EMILIN3: variants seen among roughly 807,000 people sequenced by gnomAD.
EMILIN3 encodes the protein elastin microfibril interfacer 3, also known as EMILIN-3.
EMILIN3 carries 38 observed loss-of-function variants against 42.8 expected under a neutral mutation model. That is an observed-to-expected ratio of 0.89 (90% CI 0.69 to 1.16). EMILIN3 has a LOEUF of 1.16. Ranked by LOEUF, EMILIN3 falls within the 50% of genes most tolerant of loss-of-function variation. The pLI is 0.00. For synonymous variants in EMILIN3, 430 were observed against 440.5 expected (o/e 0.98, Z 0.30); for missense variants, 924 against 999.5 (o/e 0.92, Z 1.02).
In EMILIN3 at chr20:41,365,057, GC is replaced by G. The variant is rs1207206292; in HGVS notation, c.267del (p.Lys91SerfsTer23). 100 of 1,613,432 alleles carry G rather than the reference GC, an allele frequency of 6.2e-5. No homozygotes were observed. Among genetic ancestry groups the G allele is most frequent in the Non-Finnish European group, 8.2e-5 (97 of 1,179,824 alleles). ...TACGTGACTGTCCCGGGGCACTTGGGCCCCCATCTACACTGCCGGTATTCAG... is the reference window on the plus strand; with the variant it reads ...TACGTGACTGTCCCGGGGCACTTGGGCCCCATCTACACTGCCGGTATTCAG... The part of the protein sequence containing the change: ...VKAEYRQCRW[G>X]PKCPGTVTYR... On this transcript the variant is annotated frameshift_variant, in exon 2 of 4. Transcript: ENST00000332312. LOFTEE classifies it high-confidence loss of function.
At chr20:41,364,905 G>C (rs2046385825) in intron 2 of EMILIN3, 130 bp downstream of exon 2, 1 of 1,403,574 alleles carries the variant, frequency 7.1e-7, no homozygotes, top group East Asian at 2.3e-5. Flanking sequence ...ACTCTGGCCT[G>C]TATGGGGGCT....
rs1414848474 is a variant in EMILIN3, at chr20:41,360,364, C to T, written c.*904G>A. ...ACTTTGTAGAGAAATGCCCTGACCT[C>T]GCAGGAAGGATTTCCCCACCCCCAA... On this transcript the variant is annotated 3_prime_UTR_variant, in exon 4 of 4. Transcript: ENST00000332312. The T allele has an allele frequency of 6.6e-6, 1 of 152,200 alleles. No homozygotes were observed. The highest frequency in any genetic ancestry group is 2.4e-5 in the African/African-American group (1 of 41,392). 9.4% of individuals were successfully genotyped at this position (152,200 alleles called of 1,614,324 possible).
rs372265523 is a variant in EMILIN3 at position 41,362,144 on chromosome 20, C to G, written c.1425G>C (p.Gln475His). The change falls in exon 4 of 4, where the codon CAG (glutamine) becomes CAC (histidine). Residue 475 changes from glutamine to histidine, a missense_variant. Coordinates refer to ENST00000332312, the MANE Select transcript of EMILIN3 (RefSeq NM_052846.2). ...GFGTMLEERV[Q>H]SLEERLATLA... ...ATGTTGCTAGGCGCTCCTCGAGGCT[C>G]TGCACGCGCTCTTCCAGCATGGTCC... The G allele has an allele frequency of 1.2e-5, 19 of 1,610,224 alleles. No homozygotes were observed. The South Asian group carries it at 1.3e-4, about 11-fold the overall frequency.
Position 41,362,134 on chromosome 20 carries a change from C to T in EMILIN3, c.1435G>A (p.Glu479Lys). 6.2e-7 allele frequency: 1 copy of T among 1,607,608 alleles called. No homozygotes were observed. Among genetic ancestry groups the T allele is most frequent in the Non-Finnish European group, 8.5e-7 (1 of 1,175,524 alleles). ...MLEERVQSLE[E>K]RLATLAGELS... Reference sequence around the variant, plus strand: ...TCCCCAGCCAATGTTGCTAGGCGCTCCTCGAGGCTCTGCACGCGCTCTTCC... The same window carrying T: ...TCCCCAGCCAATGTTGCTAGGCGCTTCTCGAGGCTCTGCACGCGCTCTTCC... The change falls in exon 4 of 4, where the codon GAG becomes AAG. Residue 479 changes from glutamate (E) to lysine (K), a missense_variant. By Grantham distance (56) the Glu-to-Lys change is moderately conservative. Coordinates refer to ENST00000332312, the MANE Select transcript of EMILIN3 (RefSeq NM_052846.2).
Position 41,361,903 on chromosome 20 carries a change from C to T in EMILIN3, c.1666G>A (p.Ala556Thr). 1 of 1,613,470 alleles carries T rather than the reference C, an allele frequency of 6.2e-7. No individual in the cohort carries two copies. Among genetic ancestry groups the T allele is most frequent in the Non-Finnish European group, 8.5e-7 (1 of 1,180,024 alleles). The change falls in exon 4 of 4, where the codon GCA becomes ACA. Residue 556 changes from alanine to threonine, a missense_variant. Physicochemically the swap from Ala to Thr is moderately conservative, Grantham distance 58. Coordinates refer to ENST00000332312, the MANE Select transcript of EMILIN3 (RefSeq NM_052846.2). The stretch of plus-strand genomic sequence containing the variant: ...GTGCCATTGAGCTGCTGGAGCAGTG[C>T]TGCGTGGCTGGCCACCTGGCGTAGG... ...ALLRQVASHA[A>T]LLQQLNGTVA...
In EMILIN3 at chr20:41,361,562, G is replaced by T; in HGVS notation, c.2007C>A (p.Ala669=). 2.5e-6 allele frequency: 4 copies of T among 1,611,526 alleles called. No homozygotes were observed. The highest frequency in any genetic ancestry group is 3.4e-6 in the Non-Finnish European group (4 of 1,179,816). The change falls in exon 4 of 4, where the codon GCC becomes GCA. Residue 669 remains alanine, a synonymous_variant. Coordinates refer to ENST00000332312, the MANE Select transcript of EMILIN3 (RefSeq NM_052846.2). Reference sequence around the variant, plus strand: ...TGTCCTGGCAGCGGCTCAGCCCACTGGCCACCTTGGCCACACCAGCCTTGA... The same window carrying T: ...TGTCCTGGCAGCGGCTCAGCCCACTTGCCACCTTGGCCACACCAGCCTTGA... ...EQLKAGVAKV[A]SGLSRCQDTA...
chr20:41,363,291 C>G (rs1485941222), intron 3 of EMILIN3, among the ~76,000 whole-genome samples: 1 of 152,166 alleles, frequency 6.6e-6, no homozygotes, highest in African/African-American at 2.4e-5. Flanking sequence ...CAGGCACCCA[C>G]CACCACGCCC....
chr20:41,364,908 TG>T, intron 2 of EMILIN3, 126 bp downstream of exon 2: 2 of 1,423,342 alleles, frequency 1.4e-6, no homozygotes, highest in South Asian at 2.6e-5. Flanking sequence ...CTGGCCTGTA[TG>T]GGGGCTCAGG....
chr20:41,364,423 G>A (rs1169332796), intron 2 of EMILIN3, among the ~76,000 whole-genome samples: 1 of 152,184 alleles, frequency 6.6e-6, no homozygotes, highest in Non-Finnish European at 1.5e-5. Flanking sequence ...GGGAAGGGAA[G>A]GTCCAGGGTA....
intron 1 of EMILIN3, among the ~76,000 whole-genome samples, chr20:41,365,839 C>A (rs1214869041): frequency 6.6e-6 from 1 of 152,256 alleles, no homozygotes; most frequent in African/African-American, 2.4e-5. Flanking sequence ...ACACCAGAAG[C>A]TGAGGCGGGG....
In EMILIN3 at chr20:41,366,466, A is replaced by G; in HGVS notation, c.167+2T>C. The G allele has an allele frequency of 8.9e-7, 1 of 1,126,364 alleles. No homozygotes were observed. The highest frequency in any genetic ancestry group is 1.1e-6 in the Non-Finnish European group (1 of 921,408). The allele number at this position is 1,126,364 out of a possible 1,614,324, so 69.8% of individuals were successfully genotyped here. ...TCCCGCCCGCCGCCCGCCCGCGCTT[A>G]CTTGTGCGGCCCCGGGCGCAGCCGC... is the stretch of plus-strand genomic sequence containing the variant. On this transcript the variant is annotated splice_donor_variant, in intron 1 of 3. Transcript: ENST00000332312. LOFTEE classifies it high-confidence loss of function. The surrounding 1 kb of genome is among the most constrained non-coding windows in gnomAD (Gnocchi z 4.2).
At position 41,366,030 on chromosome 20, in the gene EMILIN3, C is replaced by G. The variant is rs532384683; in HGVS notation, c.167+438G>C. Among the ~76,000 whole-genome samples, 262 of 137,776 alleles carry G rather than the reference C, an allele frequency of 1.9e-3. 1 individual carries two copies. The highest frequency in any genetic ancestry group is 6.4e-3 in the African/African-American group (248 of 38,764). The allele number at this position is 137,776 out of a possible 152,430, so 90.4% of individuals were successfully genotyped here. On this transcript the variant is annotated intron_variant, in intron 1 of 3. Transcript: ENST00000332312. This position sits in a 1 kb window ranked among gnomAD's most constrained non-coding sequence, Gnocchi z 4.2. Reference sequence around the variant, plus strand: ...GGCCAGGCTGACTGCGAGAGGGCAGCGGCCGCCCGGATGCGCAGCTCTATC... The same window carrying G: ...GGCCAGGCTGACTGCGAGAGGGCAGGGGCCGCCCGGATGCGCAGCTCTATC...
rs747443459 is a variant in EMILIN3, at chr20:41,361,842, G to A, written c.1727C>T (p.Thr576Met). The A allele has an allele frequency of 1.5e-5, 24 of 1,613,412 alleles. No individual in the cohort carries two copies. The highest frequency in any genetic ancestry group is 1.6e-4 in the Middle Eastern group (1 of 6,084). ...GATCTCGCCTTGAAGTGAGCTGCCC[G>A]TCCCTTCTGCCAGCTGTCCCTGGAC... is the stretch of plus-strand genomic sequence containing the variant. ...AEVQGQLAEG[T>M]GSSLQGEITL... Residue 576 changes from threonine (T) to methionine (M), a missense_variant, in exon 4 of 4, where the codon ACG becomes ATG. Transcript: ENST00000332312.
intron 3 of EMILIN3, 54 bp from the exon 4 acceptor site, chr20:41,363,108 G>A: frequency 7.2e-7 from 1 of 1,395,426 alleles, no homozygotes. Flanking sequence ...CTCTCAGCTT[G>A]TCACAATGCC....
rs1324180013 is a variant in EMILIN3, at chr20:41,366,773, C to T, written c.-139G>A. The T allele has an allele frequency of 2.1e-6, 1 of 466,596 alleles. No homozygotes were observed. Among genetic ancestry groups the T allele is most frequent in the African/African-American group, 2.1e-5 (1 of 47,268 alleles). 28.9% of individuals were successfully genotyped at this position (466,596 alleles called of 1,614,324 possible). A position where few individuals can be genotyped will look rare whatever the true frequency, so the allele number is the denominator to read the frequency against. On this transcript the variant is annotated 5_prime_UTR_variant, in exon 1 of 4. Coordinates refer to ENST00000332312, the MANE Select transcript of EMILIN3 (RefSeq NM_052846.2). The surrounding 1 kb of genome is among the most constrained non-coding windows in gnomAD (Gnocchi z 4.2). ...GGGTCCCCTTCGGCCCCCGAGCTCG[C>T]TGGCCCGGCCGCCTGGCGCTTCGCG...
rs572766573 is a variant in EMILIN3 at position 41,366,318 on chromosome 20, C to T, written c.167+150G>A. The T allele has an allele frequency of 2.6e-4, 131 of 497,582 alleles. No individual in the cohort carries two copies. Among genetic ancestry groups the T allele is most frequent in the African/African-American group, 2.5e-3 (119 of 48,446 alleles). 30.8% of individuals were successfully genotyped at this position (497,582 alleles called of 1,614,324 possible). Reference sequence around the variant, plus strand: ...CCGGAGCGTAGGGCGCTCGCCTGGGCAGGGGCTCGGCCCCGGGCGCCGCCC... The same window carrying T: ...CCGGAGCGTAGGGCGCTCGCCTGGGTAGGGGCTCGGCCCCGGGCGCCGCCC... On this transcript the variant is annotated intron_variant, in intron 1 of 3. Coordinates refer to ENST00000332312, the MANE Select transcript of EMILIN3 (RefSeq NM_052846.2). This position sits in a 1 kb window ranked among gnomAD's most constrained non-coding sequence, Gnocchi z 4.2.
Position 41,362,031 on chromosome 20 carries a change from C to A in EMILIN3, c.1538G>T (p.Arg513Leu), listed in dbSNP as rs749683375. The A allele has an allele frequency of 6.2e-7, 1 of 1,611,494 alleles. No individual in the cohort carries two copies. The highest frequency in any genetic ancestry group is 8.5e-7 in the Non-Finnish European group (1 of 1,177,910). ...VQTELAVLEQ[R>L]LVSLETSCTP... ...GCACGAAGTCTCCAGTGAGACCAAC[C>A]GTTGCTCTAGCACAGCCAGCTCTGT... Residue 513 changes from arginine (R) to leucine (L), a missense_variant, in exon 4 of 4, where the codon CGG becomes CTG. Transcript: ENST00000332312.
rs1041318145 is a variant in EMILIN3, at chr20:41,365,212, C to T, written c.168-55G>A. 1.9e-5 allele frequency: 30 copies of T among 1,598,704 alleles called. No individual in the cohort carries two copies. The African/African-American group carries it at 2.1e-4, about 11-fold the overall frequency. Reference sequence around the variant, plus strand: ...TCTGGCTGAGCGAGGCCCACAGAGGCGCCTACCCTCCCACCTCCATCTGTG... The same window carrying T: ...TCTGGCTGAGCGAGGCCCACAGAGGTGCCTACCCTCCCACCTCCATCTGTG... On this transcript the variant is annotated intron_variant, in intron 1 of 3. Coordinates refer to ENST00000332312, the MANE Select transcript of EMILIN3 (RefSeq NM_052846.2).
chr20:41,363,006 C>A lies in EMILIN3; in HGVS notation c.563G>T (p.Gly188Val), dbSNP rs553286618. ...TGTTTGAGCCAGGCGCTGGACATCA[C>A]CCTCCAGGCGTTCCAGCCGCTCACC... ...LFGERLERLE[G>V]DVQRLAQTYG... Residue 188 changes from glycine (G) to valine (V), a missense_variant, in exon 4 of 4, where the codon GGT becomes GTT. Gly to Val is a moderately radical substitution (Grantham distance 109, BLOSUM62 -3). Transcript: ENST00000332312. 2.5e-6 allele frequency: 4 copies of A among 1,605,582 alleles called. No individual in the cohort carries two copies. In the East Asian group the frequency reaches 6.7e-5, roughly 27 times the overall value.
Sources: gnomAD v4.1 joint callset for allele counts (sites outside exome capture counted in the v4.1 genomes callset) on GRCh38, gnomAD v4.1.1 for gene constraint, Gnocchi (gnomAD v3.1) non-coding constraint, MANE v1.5 for transcripts, NCBI Gene and HGNC (gene_info 2026-07-23, HGNC 2026-07-21) for gene names.